Variants in ZNF407 observed in about 807,000 individuals in gnomAD.
ZNF407 encodes the protein zinc finger protein 407.
In ZNF407, 17 loss-of-function variants were observed where a neutral mutation model predicts 131.2. The observed-to-expected ratio is 0.13, with a 90% CI of 0.09 to 0.19. The LOEUF (loss-of-function observed/expected upper bound fraction) is 0.19, where lower values mean the gene tolerates loss of function less well. Ranked by LOEUF, ZNF407 falls within the 10% of genes least tolerant of loss-of-function variation. The pLI is 1.00. For missense variants in ZNF407, 2,681 were observed against 2,830.6 expected (o/e 0.95, Z 1.20); for synonymous variants, 1,156 against 1,062.0 (o/e 1.09, Z -1.72).
rs1276497949 is a variant in ZNF407, at chr18:74,993,366, T to C, written c.5429-69784T>C. ...ACATTATGGATGAGTCTCAAAAGTG[T>C]GCTAAGCAAAAGCGCAGACACAGAA... On this transcript the variant is annotated intron_variant, in intron 8 of 8. Coordinates refer to ENST00000299687, the MANE Select transcript of ZNF407 (RefSeq NM_017757.3). Among the ~76,000 whole-genome samples the C allele has an allele frequency of 2.6e-5, 4 of 152,152 alleles. No individual in the cohort carries two copies. In the East Asian group the frequency reaches 5.8e-4, roughly 22 times the overall value.
chr18:74,987,634 T>C (rs923603906), intron 8 of ZNF407, among the ~76,000 whole-genome samples: 1 of 152,146 alleles, frequency 6.6e-6, no homozygotes, highest in Non-Finnish European at 1.5e-5. Flanking sequence ...CTTGTGTGCC[T>C]GTGGCCTAAT....
intron 4 of ZNF407, among the ~76,000 whole-genome samples, chr18:74,815,870 CT>C (rs1052780142): frequency 6.6e-6 from 1 of 152,132 alleles, no homozygotes; most frequent in Non-Finnish European, 1.5e-5. Context: ...AAGTATACGC[CT>C]TTGATTATGT....
intron 3 of ZNF407, among the ~76,000 whole-genome samples, chr18:74,712,335 T>C (rs1167592580): frequency 6.6e-6 from 1 of 152,218 alleles, no homozygotes; most frequent in Non-Finnish European, 1.5e-5. Flanking sequence ...GATGAGACAA[T>C]ATGTGTATAT....
intron 4 of ZNF407, among the ~76,000 whole-genome samples, chr18:74,850,787 G>A (rs942892452): frequency 7.2e-5 from 11 of 152,032 alleles, no homozygotes; most frequent in African/African-American, 1.9e-4. Context: ...ACTGACCTTC[G>A]TGTTCCGTAT....
intron 1 of ZNF407, among the ~76,000 whole-genome samples, chr18:74,616,516 TACAAA>T (rs1201516960): frequency 6.6e-6 from 1 of 151,914 alleles, no homozygotes; most frequent in Non-Finnish European, 1.5e-5. Flanking sequence ...AAGTCACATG[TACAAA>T]ACCAGCCCAC....
At chr18:74,877,057 G>C (rs1971167381) in intron 4 of ZNF407, 140 bp from the exon 5 acceptor site, 1 of 691,138 alleles carries the variant, frequency 1.4e-6, no homozygotes, top group Non-Finnish European at 2.5e-6. Context: ...TGGTTATACA[G>C]ACATGACAGA....
intron 3 of ZNF407, among the ~76,000 whole-genome samples, chr18:74,654,934 TTTC>T (rs1985386216): frequency 6.6e-6 from 1 of 151,920 alleles, no homozygotes; most frequent in Admixed American, 6.6e-5. Flanking sequence ...CCTGTACATT[TTTC>T]TTATTTCACG....
intron 3 of ZNF407, among the ~76,000 whole-genome samples, chr18:74,676,190 CAA>C (rs1272406779): frequency 2.0e-5 from 3 of 151,504 alleles, no homozygotes; most frequent in Non-Finnish European, 4.4e-5. Context: ...CTCCTGGGTT[CAA>C]ACGATTCCTC....
intron 4 of ZNF407, among the ~76,000 whole-genome samples, chr18:74,813,085 C>T (rs908084454): frequency 2.6e-5 from 4 of 152,064 alleles, no homozygotes; most frequent in East Asian, 1.9e-4. Flanking sequence ...CTACAGGCCC[C>T]GATGGTGTGA....
At chr18:74,852,811 A>AT (rs1217786087) in intron 4 of ZNF407, among the ~76,000 whole-genome samples, 1 of 152,116 alleles carries the variant, frequency 6.6e-6, no homozygotes, top group Non-Finnish European at 1.5e-5. Context: ...ATTGCAAATG[A>AT]TTTTTTCAAG....
chr18:74,647,134 C>T (rs1985009071), intron 3 of ZNF407, among the ~76,000 whole-genome samples: 1 of 151,388 alleles, frequency 6.6e-6, no homozygotes, highest in Non-Finnish European at 1.5e-5. Context: ...AAGTGGCTTC[C>T]TTGTGATTTT....
chr18:74,840,477 G>A lies in ZNF407; in HGVS notation c.4878-36720G>A, dbSNP rs1465341442. ...TTAATTTGTCCAAGTGGAAAAACTC[G>A]TTTATTCTTCACCACCTCACCATCC... On this transcript the variant is annotated intron_variant, in intron 4 of 8. Coordinates refer to ENST00000299687, the MANE Select transcript of ZNF407 (RefSeq NM_017757.3). 3.9e-5 allele frequency among the ~76,000 whole-genome samples: 6 copies of A among 152,166 alleles called. No individual in the cohort carries two copies. In the South Asian group the frequency reaches 6.2e-4, roughly 16 times the overall value.
At chr18:74,766,840 T>C (rs1351675220) in intron 3 of ZNF407, among the ~76,000 whole-genome samples, 1 of 152,198 alleles carries the variant, frequency 6.6e-6, no homozygotes, top group Non-Finnish European at 1.5e-5. Context: ...TTAACACATA[T>C]TATTTTAGAT....
At chr18:74,922,996 A>G (rs1971866804) in intron 8 of ZNF407, among the ~76,000 whole-genome samples, 1 of 152,208 alleles carries the variant, frequency 6.6e-6, no homozygotes, top group African/African-American at 2.4e-5. Context: ...GATCATTTAT[A>G]CTGTATGTAA....
chr18:74,776,911 T>C (rs572044057), intron 3 of ZNF407, among the ~76,000 whole-genome samples: 42 of 152,214 alleles, frequency 2.8e-4, no homozygotes, highest in Non-Finnish European at 4.7e-4. Context: ...TGGCTCATCA[T>C]AAAGGACTTC....
intron 8 of ZNF407, among the ~76,000 whole-genome samples, chr18:74,959,328 G>C (rs1376174085): frequency 1.3e-5 from 2 of 152,176 alleles, no homozygotes; most frequent in African/African-American, 2.4e-5. Flanking sequence ...GAGGCAGCAG[G>C]ATAAAAACTT....
At chr18:75,024,482 T>C (rs1973148759) in intron 8 of ZNF407, among the ~76,000 whole-genome samples, 2 of 152,238 alleles carry the variant, frequency 1.3e-5, no homozygotes, top group South Asian at 4.1e-4. Flanking sequence ...GAGACAACAC[T>C]TTTTGTGACC....
intron 8 of ZNF407, among the ~76,000 whole-genome samples, chr18:74,941,929 T>C (rs941422770): frequency 2.0e-5 from 3 of 152,214 alleles, no homozygotes; most frequent in African/African-American, 7.2e-5. Flanking sequence ...CAGAGACTTC[T>C]GCAGGATGGC....
chr18:74,796,486 C>T (rs987040877), intron 4 of ZNF407, among the ~76,000 whole-genome samples: 3 of 152,090 alleles, frequency 2.0e-5, no homozygotes, highest in African/African-American at 4.8e-5. Flanking sequence ...ATGTGTCACA[C>T]GAGGTTGTAA....
Sources: gnomAD v4.1 joint callset for allele counts (sites outside exome capture counted in the v4.1 genomes callset) on GRCh38, gnomAD v4.1.1 for gene constraint, MANE v1.5 for transcripts, NCBI Gene and HGNC (gene_info 2026-07-23, HGNC 2026-07-21) for gene names.